RALYL: variants seen among roughly 807,000 people sequenced by gnomAD.
The protein encoded by RALYL is RALY RNA binding protein like, also known as RNA-binding Raly-like protein.
In RALYL, 29 loss-of-function variants were observed where a neutral mutation model predicts 35.1. The ratio of observed to expected loss-of-function variants is 0.83; its 90% CI spans 0.61 to 1.13. The LOEUF (loss-of-function observed/expected upper bound fraction) is 1.13. Among genes scored for constraint, RALYL ranks in the 50% most tolerant of loss-of-function variants. The probability of loss-of-function intolerance (pLI) is 0.00; values close to 1 mark genes in which losing one functional copy is unlikely to be tolerated. For missense variants in RALYL, 359 were observed against 360.4 expected (o/e 1.00, Z 0.03); for synonymous variants, 120 against 127.6 (o/e 0.94, Z 0.40).
intron 2 of RALYL, among the ~76,000 whole-genome samples, chr8:84,576,738 C>G (rs886092000): frequency 1.1e-4 from 16 of 152,160 alleles, no homozygotes; most frequent in African/African-American, 3.9e-4. Context: ...TTGCTGGAGA[C>G]AAAATCTGAC....
At chr8:84,521,264 G>A (rs1272186909) in intron 1 of RALYL, among the ~76,000 whole-genome samples, 2 of 152,228 alleles carry the variant, frequency 1.3e-5, no homozygotes, top group African/African-American at 4.8e-5. Context: ...AAGTCAGAAA[G>A]AGAGCTGTCA....
At chr8:84,583,273 C>A (rs2136002735) in intron 2 of RALYL, among the ~76,000 whole-genome samples, 1 of 152,098 alleles carries the variant, frequency 6.6e-6, no homozygotes, top group Middle Eastern at 3.4e-3. Context: ...GGAAGGTTTC[C>A]AAAACTAATT....
chr8:84,369,874 G>T (rs965244426), intron 1 of RALYL, among the ~76,000 whole-genome samples: 3 of 151,996 alleles, frequency 2.0e-5, no homozygotes, highest in Non-Finnish European at 4.4e-5. Flanking sequence ...CATCAAATCA[G>T]TTAATATAAT....
intron 4 of RALYL, among the ~76,000 whole-genome samples, chr8:84,817,531 TTTA>T (rs59809592): frequency 0.027 from 3,948 of 147,444 alleles, 140 homozygotes; most frequent in African/African-American, 0.086. Flanking sequence ...TAACTAATCT[TTTA>T]TTATTATTAT....
chr8:84,235,956 A>G (rs963619149), intron 1 of RALYL, among the ~76,000 whole-genome samples: 11 of 151,586 alleles, frequency 7.3e-5, no homozygotes, highest in Admixed American at 7.2e-4. Context: ...TAGTAGAGAC[A>G]GGGTTTCACC....
At chr8:84,306,198 T>C (rs947431013) in intron 1 of RALYL, among the ~76,000 whole-genome samples, 7 of 151,300 alleles carry the variant, frequency 4.6e-5, no homozygotes, top group Non-Finnish European at 7.4e-5. Flanking sequence ...CCTCTTTCAG[T>C]GGCAAAGCTT....
chr8:84,576,023 C>G (rs1482165903), intron 2 of RALYL, among the ~76,000 whole-genome samples: 2 of 150,628 alleles, frequency 1.3e-5, no homozygotes, highest in Non-Finnish European at 2.9e-5. Context: ...TCTATCATAT[C>G]CTTCCTAATT....
intron 1 of RALYL, among the ~76,000 whole-genome samples, chr8:84,290,397 T>G (rs1019958470): frequency 6.6e-6 from 1 of 151,310 alleles, no homozygotes; most frequent in Non-Finnish European, 1.5e-5. Context: ...AGTCCGAAAA[T>G]AGAGTCAGCA....
intron 1 of RALYL, among the ~76,000 whole-genome samples, chr8:84,455,674 A>T (rs909004902): frequency 2.0e-5 from 3 of 152,044 alleles, no homozygotes; most frequent in Non-Finnish European, 2.9e-5. Flanking sequence ...GCTCTCTTAC[A>T]TGTATTTATT....
intron 1 of RALYL, among the ~76,000 whole-genome samples, chr8:84,389,821 T>A (rs1029449569): frequency 4.0e-5 from 6 of 150,696 alleles, no homozygotes; most frequent in African/African-American, 1.2e-4. Flanking sequence ...TTTTCCTAAT[T>A]GAATACCCTT....
At chr8:84,378,081 C>A (rs1209951496) in intron 1 of RALYL, among the ~76,000 whole-genome samples, 1 of 151,868 alleles carries the variant, frequency 6.6e-6, no homozygotes, top group African/African-American at 2.4e-5. Flanking sequence ...AGATAAACTA[C>A]GTTTTATTCT....
intron 3 of RALYL, among the ~76,000 whole-genome samples, chr8:84,794,319 G>A (rs1821433109): frequency 6.6e-6 from 1 of 152,218 alleles, no homozygotes; most frequent in Admixed American, 6.5e-5. Context: ...GAGCAGGACT[G>A]AGGATGAAGA....
intron 2 of RALYL, among the ~76,000 whole-genome samples, chr8:84,702,535 T>TCACACA (rs1228892421): frequency 7.1e-6 from 1 of 141,692 alleles, no homozygotes; most frequent in African/African-American, 2.8e-5. Flanking sequence ...TCTCTCTCTC[T>TCACACA]CTCTCACACA....
At chr8:84,189,758 C>T (rs971805966) in intron 1 of RALYL, among the ~76,000 whole-genome samples, 3 of 151,598 alleles carry the variant, frequency 2.0e-5, no homozygotes, top group African/African-American at 7.3e-5. Flanking sequence ...TATAAAACAA[C>T]TGTTATGTAT....
At chr8:84,720,033 C>G (rs905033395) in intron 2 of RALYL, among the ~76,000 whole-genome samples, 1 of 152,082 alleles carries the variant, frequency 6.6e-6, no homozygotes, top group Admixed American at 6.6e-5. Context: ...TCTGTCCTAG[C>G]TCACTTCACT....
chr8:84,858,215 TTAAA>T (rs1837427751), intron 5 of RALYL, among the ~76,000 whole-genome samples: 1 of 152,266 alleles, frequency 6.6e-6, no homozygotes, highest in Middle Eastern at 3.4e-3. Context: ...GAAATGTTTA[TTAAA>T]TAAAGAAATT....
At chr8:84,222,791 G>A (rs929877555) in intron 1 of RALYL, among the ~76,000 whole-genome samples, 15 of 152,138 alleles carry the variant, frequency 9.9e-5, no homozygotes, top group African/African-American at 3.6e-4. Context: ...CAGAGGTGAA[G>A]GAGTGGGGGA....
chr8:84,890,772 G>T (rs1196414377), intron 8 of RALYL, among the ~76,000 whole-genome samples: 1 of 150,236 alleles, frequency 6.7e-6, no homozygotes, highest in African/African-American at 2.5e-5. Flanking sequence ...AAGCAAACAT[G>T]TTCAAAGTTG....
intron 1 of RALYL, among the ~76,000 whole-genome samples, chr8:84,466,835 A>G (rs1047870228): frequency 1.8e-4 from 27 of 151,510 alleles, no homozygotes; most frequent in Admixed American, 5.3e-4. Flanking sequence ...TTATTGGTCT[A>G]TTCAGAGATT....
Sources: gnomAD v4.1 joint callset for allele counts (sites outside exome capture counted in the v4.1 genomes callset) on GRCh38, gnomAD v4.1.1 for gene constraint, MANE v1.5 for transcripts, NCBI Gene and HGNC (gene_info 2026-07-23, HGNC 2026-07-21) for gene names.